Variants in THSD7B observed in about 807,000 individuals in gnomAD.
THSD7B encodes thrombospondin type 1 domain containing 7B, also known as thrombospondin type-1 domain-containing protein 7B.
A neutral mutation model predicts 213.6 loss-of-function variants in THSD7B; 138 were observed. The observed-to-expected ratio is 0.65, with a 90% confidence interval of 0.56 to 0.74. The LOEUF (loss-of-function observed/expected upper bound fraction) is 0.74. Ranked by LOEUF, THSD7B falls within the 30% of genes least tolerant of loss-of-function variation. THSD7B has a pLI of 0.00. For synonymous variants in THSD7B, 742 were observed against 687.0 expected (o/e 1.08, Z -1.25); for missense variants, 1,931 against 1,991.5 (o/e 0.97, Z 0.58).
rs902114288 is a variant in THSD7B, at chr2:137,554,685, G to A, written c.3139-8536G>A. On this transcript the variant is annotated intron_variant, in intron 15 of 27. Coordinates refer to ENST00000409968, the MANE Select transcript of THSD7B (RefSeq NM_001316349.2). The stretch of plus-strand genomic sequence containing the variant: ...GGTACCAGGTTCATCTCACTGGGGC[G>A]TGTCAGACAGTGGGTGCAGTACAGT... 1.2e-4 allele frequency among the ~76,000 whole-genome samples: 18 copies of A among 152,250 alleles called. 1 individual carries two copies. The highest frequency in any genetic ancestry group is 4.2e-4 in the South Asian group (2 of 4,816).
chr2:136,826,443 G>T (rs184544458), intron 1 of THSD7B, among the ~76,000 whole-genome samples: 10 of 152,192 alleles, frequency 6.6e-5, no homozygotes, highest in Admixed American at 4.6e-4. Context: ...TTTGTTGATT[G>T]TTGTTACAGA....
chr2:137,294,773 C>T (rs1683419765), intron 12 of THSD7B, among the ~76,000 whole-genome samples: 1 of 151,894 alleles, frequency 6.6e-6, no homozygotes, highest in African/African-American at 2.4e-5. Flanking sequence ...TGGGTACTTT[C>T]CACAATTTCA....
chr2:137,373,343 A>G (rs1164381732), intron 12 of THSD7B, among the ~76,000 whole-genome samples: 25 of 152,134 alleles, frequency 1.6e-4, no homozygotes, highest in Admixed American at 1.6e-3. Context: ...ATTTCTCCAC[A>G]TCCTCTCCAG....
chr2:136,819,244 A>G (rs946657608), intron 1 of THSD7B, among the ~76,000 whole-genome samples: 4 of 152,200 alleles, frequency 2.6e-5, no homozygotes, highest in African/African-American at 9.6e-5. Context: ...ATGGAGACAA[A>G]GTATAATTAT....
chr2:137,574,916 A>T (rs186138583), intron 17 of THSD7B, among the ~76,000 whole-genome samples: 3 of 152,138 alleles, frequency 2.0e-5, no homozygotes, highest in Non-Finnish European at 2.9e-5. Context: ...CAATTATTTT[A>T]TAAGTGTCCT....
At chr2:136,867,954 CTG>C (rs1317923407) in intron 1 of THSD7B, among the ~76,000 whole-genome samples, 1 of 152,050 alleles carries the variant, frequency 6.6e-6, no homozygotes, top group African/African-American at 2.4e-5. Flanking sequence ...TAATTTCTGT[CTG>C]TTTCTGTGAA....
rs1681935602 is a variant in THSD7B, at chr2:137,242,526, G to T, written c.2220G>T (p.Val740=). ...CFLPCKKDCI[V]TAFSEWTPCP... Reference sequence around the variant, plus strand: ...TCCCATGCAAAAAAGACTGTATTGTGACTGCTTTCAGTGAGTGGACACCCT... The same window carrying T: ...TCCCATGCAAAAAAGACTGTATTGTTACTGCTTTCAGTGAGTGGACACCCT... Residue 740 remains valine (V), a synonymous_variant, in exon 10 of 28, where the codon GTG becomes GTT. Coordinates refer to ENST00000409968, the MANE Select transcript of THSD7B (RefSeq NM_001316349.2). The T allele has an allele frequency of 6.2e-7, 1 of 1,613,924 alleles. No homozygotes were observed. The highest frequency in any genetic ancestry group is 1.3e-5 in the African/African-American group (1 of 75,016).
intron 1 of THSD7B, among the ~76,000 whole-genome samples, chr2:136,773,202 G>C (rs1314649153): frequency 6.6e-6 from 1 of 151,990 alleles, no homozygotes; most frequent in Non-Finnish European, 1.5e-5. Flanking sequence ...TAGTAGATGA[G>C]ATTTATTGAA....
chr2:137,372,510 A>G (rs961453310), intron 12 of THSD7B, among the ~76,000 whole-genome samples: 1 of 151,638 alleles, frequency 6.6e-6, no homozygotes, highest in African/African-American at 2.4e-5. Flanking sequence ...ATAAATCAAT[A>G]CATATAAGGT....
chr2:137,123,470 G>A (rs531921551), intron 5 of THSD7B, among the ~76,000 whole-genome samples: 36 of 152,150 alleles, frequency 2.4e-4, no homozygotes, highest in Admixed American at 7.2e-4. Context: ...ATGGTGGTCA[G>A]CAGGATAACA....
At chr2:137,488,234 A>T (rs930073315) in intron 15 of THSD7B, among the ~76,000 whole-genome samples, 1 of 152,180 alleles carries the variant, frequency 6.6e-6, no homozygotes, top group East Asian at 1.9e-4. Context: ...ACTCATTTCT[A>T]ACACTTAAAG....
At chr2:136,908,217 T>G (rs1188586177) in intron 2 of THSD7B, among the ~76,000 whole-genome samples, 1 of 152,216 alleles carries the variant, frequency 6.6e-6, no homozygotes, top group Admixed American at 6.5e-5. Context: ...AAATTAATAA[T>G]AAATAAGTCA....
At chr2:137,372,743 A>C (rs1023415644) in intron 12 of THSD7B, among the ~76,000 whole-genome samples, 26 of 151,902 alleles carry the variant, frequency 1.7e-4, no homozygotes, top group African/African-American at 5.5e-4. Flanking sequence ...CATGTGCACA[A>C]TGTGCAGGTT....
intron 1 of THSD7B, among the ~76,000 whole-genome samples, chr2:136,825,592 T>G (rs2104941459): frequency 6.6e-6 from 1 of 152,188 alleles, no homozygotes; most frequent in East Asian, 1.9e-4. Flanking sequence ...TCTTGCTCTG[T>G]CGCCCAGGCT....
chr2:136,827,434 A>G (rs1452143441), intron 1 of THSD7B, among the ~76,000 whole-genome samples: 1 of 152,232 alleles, frequency 6.6e-6, no homozygotes, highest in Admixed American at 6.5e-5. Context: ...TCTCTAGGCC[A>G]GGGCAACAAT....
intron 15 of THSD7B, among the ~76,000 whole-genome samples, chr2:137,454,429 T>C (rs1313072694): frequency 6.2e-5 from 3 of 48,154 alleles, no homozygotes; most frequent in Non-Finnish European, 1.1e-4. Context: ...TGTCTGTCTA[T>C]CTATCTATCT....
intron 3 of THSD7B, among the ~76,000 whole-genome samples, chr2:137,078,553 G>A (rs1168071885): frequency 1.3e-5 from 2 of 151,896 alleles, no homozygotes; most frequent in East Asian, 3.9e-4. Flanking sequence ...TTTTTTAGCA[G>A]GATTATGGTT....
rs772225509 is a variant in THSD7B at position 136,882,325 on chromosome 2, T to C, written c.139+8T>C. ...AGTTCATCTGGAAACCAGGTAGGAA[T>C]GTCCTGGCTGTTCCTTTGTCCTATT... On this transcript the variant is annotated splice_region_variant and intron_variant, in intron 2 of 27. Coordinates refer to ENST00000409968, the MANE Select transcript of THSD7B (RefSeq NM_001316349.2). 1.3e-6 allele frequency: 2 copies of C among 1,519,058 alleles called. No homozygotes were observed. Among genetic ancestry groups the C allele is most frequent in the South Asian group, 1.3e-5 (1 of 78,162 alleles). 94.1% of individuals were successfully genotyped at this position (1,519,058 alleles called of 1,614,324 possible). A position where few individuals can be genotyped will look rare whatever the true frequency, so the allele number is the denominator to read the frequency against.
At chr2:137,189,940 C>G (rs957474212) in intron 7 of THSD7B, among the ~76,000 whole-genome samples, 6 of 151,988 alleles carry the variant, frequency 3.9e-5, no homozygotes, top group Non-Finnish European at 8.8e-5. Context: ...TTGTTAGACT[C>G]GAATCAGTCA....
Sources: gnomAD v4.1 joint callset for allele counts (sites outside exome capture counted in the v4.1 genomes callset) on GRCh38, gnomAD v4.1.1 for gene constraint, MANE v1.5 for transcripts, NCBI Gene and HGNC (gene_info 2026-07-23, HGNC 2026-07-21) for gene names.